HTT: variants seen among roughly 807,000 people sequenced by gnomAD.
HTT encodes huntington disease protein.
A neutral mutation model predicts 362.3 loss-of-function variants in HTT; 104 were observed. The ratio of observed to expected loss-of-function variants is 0.29; its 90% CI spans 0.24 to 0.34. HTT has a LOEUF of 0.34. Among genes scored for constraint, HTT ranks in the 10% least tolerant of loss-of-function variants. The pLI is 1.00. For synonymous variants in HTT, 1,577 were observed against 1,548.7 expected (o/e 1.02, Z -0.43); for missense variants, 3,301 against 3,928.6 (o/e 0.84, Z 4.27).
chr4:3,132,742 G>A, intron 17 of HTT, 22 bp downstream of exon 17: 1 of 1,613,974 alleles, frequency 6.2e-7, no homozygotes, highest in South Asian at 1.1e-5. Context: ...TTTTTCAGCT[G>A]TGTTTTTTCT....
At chr4:3,110,241 C>A (rs142369546) in intron 6 of HTT, among the ~76,000 whole-genome samples, 3 of 152,262 alleles carry the variant, frequency 2.0e-5, no homozygotes, top group African/African-American at 7.2e-5. Context: ...TGGAGTTAAT[C>A]GTTACCTCTA....
intron 40 of HTT, among the ~76,000 whole-genome samples, chr4:3,194,535 TC>T (rs1719158829): frequency 6.6e-6 from 1 of 152,230 alleles, no homozygotes; most frequent in Non-Finnish European, 1.5e-5. Context: ...AACACGGCCT[TC>T]CAGCTTTGCT....
intron 38 of HTT, 119 bp downstream of exon 38, chr4:3,186,838 C>CTTTT (rs1160738052): frequency 2.6e-4 from 66 of 250,804 alleles, no homozygotes; most frequent in South Asian, 6.5e-4. Flanking sequence ...TGAGAGTTTG[C>CTTTT]TTTTTTTTTT....
At chr4:3,203,044 C>T (rs1445944158) in intron 41 of HTT, 1 of 152,190 alleles carries the variant, frequency 6.6e-6, no homozygotes, top group Non-Finnish European at 1.5e-5. Context: ...CGGTGTGCAG[C>T]CTTCTGAGTC....
intron 60 of HTT, among the ~76,000 whole-genome samples, chr4:3,232,846 G>T (rs922004435): frequency 2.0e-5 from 3 of 152,212 alleles, no homozygotes; most frequent in African/African-American, 7.2e-5. Context: ...CTGGGGGCTG[G>T]GCACATGGGC....
At chr4:3,107,771 C>T (rs547064927) in intron 6 of HTT, among the ~76,000 whole-genome samples, 13 of 152,322 alleles carry the variant, frequency 8.5e-5, no homozygotes, top group African/African-American at 2.6e-4. Context: ...AGCTCACTGA[C>T]GAGGCCTTGT....
rs114132865 is a variant in HTT, at chr4:3,087,825, T to C, written c.347+803T>C. The stretch of plus-strand genomic sequence containing the variant: ...TTTAGACAAATAATCTTGATTTTAG[T>C]ACTGACAAAAACGTGTGGTGATTCT... On this transcript the variant is annotated intron_variant, in intron 2 of 66. Transcript: ENST00000355072. Among the ~76,000 whole-genome samples the C allele has an allele frequency of 6.6e-3, 1,009 of 152,328 alleles. 13 individuals carry two copies. Among genetic ancestry groups the C allele is most frequent in the African/African-American group, 0.023 (939 of 41,578 alleles).
In HTT at chr4:3,074,939, GCCGCCA is replaced by G. The variant is rs1358167770; in HGVS notation, c.120_125del (p.Pro48_Pro49del). 6.3e-6 allele frequency: 9 copies of G among 1,435,650 alleles called. No homozygotes were observed. The highest frequency in any genetic ancestry group is 1.7e-5 in the African/African-American group (1 of 59,586). The allele number at this position is 1,435,650 out of a possible 1,614,324, so 88.9% of individuals were successfully genotyped here. On this transcript the variant is annotated inframe_deletion, in exon 1 of 67. Coordinates refer to ENST00000355072, the MANE Select transcript of HTT (RefSeq NM_001388492.1). The stretch of plus-strand genomic sequence containing the variant: ...AGCAGCAGCAGCAGCAGCAGCAACA[GCCGCCA>G]CCGCCGCCGCCGCCGCCGCCGCCTC...
intron 37 of HTT, among the ~76,000 whole-genome samples, chr4:3,184,213 T>C (rs1443945271): frequency 2.0e-5 from 3 of 151,806 alleles, no homozygotes; most frequent in Non-Finnish European, 4.4e-5. Context: ...GCCTAGGAGA[T>C]ACCTGGGGAA....
chr4:3,231,593 C>T (rs1721256163), intron 60 of HTT, among the ~76,000 whole-genome samples: 1 of 152,184 alleles, frequency 6.6e-6, no homozygotes, highest in African/African-American at 2.4e-5. Flanking sequence ...AAACGCCAGT[C>T]ATCTTCCCTT....
chr4:3,215,257 A>G lies in HTT; in HGVS notation c.7054+46A>G, dbSNP rs753442156. The G allele has an allele frequency of 4.8e-6, 7 of 1,454,442 alleles. No homozygotes were observed. In the African/African-American group the frequency reaches 8.4e-5, roughly 17 times the overall value. The allele number at this position is 1,454,442 out of a possible 1,614,324, so 90.1% of individuals were successfully genotyped here. On this transcript the variant is annotated intron_variant, in intron 51 of 66. Transcript: ENST00000355072. ...TTTTCTTACATGTTGTTCCTCCAGG[A>G]CTTAAAAATCATTCACAGAGACGTG...
intron 38 of HTT, among the ~76,000 whole-genome samples, chr4:3,187,042 G>T (rs1402921591): frequency 1.3e-5 from 2 of 150,474 alleles, no homozygotes; most frequent in African/African-American, 4.9e-5. Flanking sequence ...TGTATTTTTA[G>T]TAGAGATGGG....
chr4:3,228,166 G>A lies in HTT; in HGVS notation c.7849-449G>A, dbSNP rs57346236. On this transcript the variant is annotated intron_variant, in intron 57 of 66. Coordinates refer to ENST00000355072, the MANE Select transcript of HTT (RefSeq NM_001388492.1). The surrounding 1 kb of genome is among the most constrained non-coding windows in gnomAD (Gnocchi z 4.3). ...AGGACAGTCGAGGTGTGCTGACTGC[G>A]TGGTGGCTGCGTGATCTAGAGCGCG... 6.2e-3 allele frequency among the ~76,000 whole-genome samples: 945 copies of A among 152,290 alleles called. 9 individuals are homozygous for A. Among genetic ancestry groups the A allele is most frequent in the African/African-American group, 0.022 (911 of 41,554 alleles).
intron 40 of HTT, among the ~76,000 whole-genome samples, chr4:3,195,901 T>C (rs1034996076): frequency 3.9e-5 from 6 of 152,160 alleles, no homozygotes; most frequent in Non-Finnish European, 7.3e-5. Flanking sequence ...GTGACAGGCA[T>C]GCCTTTGCTG....
At chr4:3,157,883 C>T (rs541504628) in intron 28 of HTT, among the ~76,000 whole-genome samples, 38 of 152,132 alleles carry the variant, frequency 2.5e-4, no homozygotes, top group African/African-American at 8.4e-4. Context: ...TTTTTCTGCA[C>T]TAATTGGCTT....
chr4:3,218,593 A>G lies in HTT; in HGVS notation c.7242+641A>G. 6.6e-6 allele frequency among the ~76,000 whole-genome samples: 1 copy of G among 151,968 alleles called. No individual in the cohort carries two copies. The highest frequency in any genetic ancestry group is 1.9e-4 in the East Asian group (1 of 5,180). On this transcript the variant is annotated intron_variant, in intron 52 of 66. Transcript: ENST00000355072. This position sits in a 1 kb window ranked among gnomAD's most constrained non-coding sequence, Gnocchi z 4.4. ...GGTTGCAGTAAGCCGAGATCGCGCCACTGCACTCTAGCCTGGGCAACAGAG... is the reference window on the plus strand; with the variant it reads ...GGTTGCAGTAAGCCGAGATCGCGCCGCTGCACTCTAGCCTGGGCAACAGAG...
intron 9 of HTT, among the ~76,000 whole-genome samples, chr4:3,122,361 G>A (rs1715335482): frequency 6.6e-6 from 1 of 152,230 alleles, no homozygotes; most frequent in African/African-American, 2.4e-5. Context: ...GGTCGGTGTA[G>A]TGCACAGTGT....
chr4:3,163,835 C>T (rs182651578), intron 29 of HTT, among the ~76,000 whole-genome samples: 64 of 152,076 alleles, frequency 4.2e-4, no homozygotes, highest in Admixed American at 3.3e-3. Flanking sequence ...GTCTTGCTAG[C>T]GGTCTACCTA....
intron 40 of HTT, among the ~76,000 whole-genome samples, chr4:3,189,720 G>A (rs1040191962): frequency 6.6e-6 from 1 of 152,180 alleles, no homozygotes; most frequent in Admixed American, 6.5e-5. Flanking sequence ...CTACTGAACT[G>A]TACAGTTAAA....
Sources: allele counts gnomAD v4.1 joint callset (sites outside exome capture counted in the v4.1 genomes callset), GRCh38; gene constraint gnomAD v4.1.1; non-coding constraint Gnocchi (gnomAD v3.1); transcripts MANE v1.5; gene names NCBI Gene and HGNC (gene_info 2026-07-23, HGNC 2026-07-21).